SDK1: variants seen among roughly 807,000 people sequenced by gnomAD.
SDK1 encodes sidekick cell adhesion molecule 1.
SDK1 carries 157 observed loss-of-function variants against 245.5 expected under a neutral mutation model. That is an observed-to-expected ratio of 0.64 (90% confidence interval 0.56 to 0.73). SDK1 has a LOEUF of 0.73. Among genes scored for constraint, SDK1 ranks in the 30% least tolerant of loss-of-function variants. The pLI is 0.00. For synonymous variants in SDK1, 1,647 were observed against 1,278.5 expected (o/e 1.29, Z -6.15); for missense variants, 3,583 against 3,002.3 (o/e 1.19, Z -4.52).
intron 4 of SDK1, among the ~76,000 whole-genome samples, chr7:3,780,500 C>A (rs902474157): frequency 6.6e-6 from 1 of 152,190 alleles, no homozygotes; most frequent in African/African-American, 2.4e-5. Flanking sequence ...AACTTCATAA[C>A]CCACATTTAA....
At chr7:4,157,960 G>T (rs1780874875) in intron 30 of SDK1, among the ~76,000 whole-genome samples, 1 of 152,194 alleles carries the variant, frequency 6.6e-6, no homozygotes, top group South Asian at 2.1e-4. Context: ...GTGAGAATCA[G>T]GCAGGAACTC....
rs147662696 is a variant in SDK1, at chr7:4,217,174, A to G, written c.5540-2935A>G. Among the ~76,000 whole-genome samples, 146 of 105,768 alleles carry G rather than the reference A, an allele frequency of 1.4e-3. 3 individuals carry two copies. The highest frequency in any genetic ancestry group is 8.7e-3 in the East Asian group (28 of 3,210). The allele number at this position is 105,768 out of a possible 152,430, so 69.4% of individuals were successfully genotyped here. The stretch of plus-strand genomic sequence containing the variant: ...AGCACCACACCACCCGGAGCACCAC[A>G]CCCCCCGGAGCACCCTGCCACCCGG... On this transcript the variant is annotated intron_variant, in intron 38 of 44. Coordinates refer to ENST00000404826, the MANE Select transcript of SDK1 (RefSeq NM_152744.4).
chr7:4,034,862 A>C (rs537836634), intron 17 of SDK1, among the ~76,000 whole-genome samples: 11 of 152,372 alleles, frequency 7.2e-5, no homozygotes, highest in Admixed American at 1.3e-4. Flanking sequence ...GACGAATTCG[A>C]GAACTAGAGC....
rs554742438 is a variant in SDK1, at chr7:3,798,561, C to T, written c.714-22889C>T. ...AGTGCTGACCCGTTGCTTTTTAAAA[C>T]GTCCCTCGATTTGGACTTGTCTGAT... is the stretch of plus-strand genomic sequence containing the variant. On this transcript the variant is annotated intron_variant, in intron 4 of 44. Transcript: ENST00000404826. 1.3e-4 allele frequency among the ~76,000 whole-genome samples: 20 copies of T among 152,216 alleles called. No individual in the cohort carries two copies. In the East Asian group the frequency reaches 1.4e-3, roughly 10 times the overall value.
chr7:3,725,610 TAGAG>T lies in SDK1; in HGVS notation c.713+83509_713+83512del, dbSNP rs1778984086. Among the ~76,000 whole-genome samples the T allele has an allele frequency of 4.6e-5, 7 of 152,166 alleles. No homozygotes were observed. In the South Asian group the frequency reaches 1.5e-3, roughly 32 times the overall value. Reference sequence around the variant, plus strand: ...TCTACTTTTTAATATAAACCATACATAGAGAGACAGGAGCCCCAAGAACAGGGAG... The same window carrying T: ...TCTACTTTTTAATATAAACCATACATAGACAGGAGCCCCAAGAACAGGGAG... On this transcript the variant is annotated intron_variant, in intron 4 of 44. Transcript: ENST00000404826.
chr7:3,504,475 G>T (rs1322155737), intron 1 of SDK1, among the ~76,000 whole-genome samples: 3 of 152,036 alleles, frequency 2.0e-5, no homozygotes, highest in Non-Finnish European at 4.4e-5. Context: ...ATATATGTTG[G>T]TGGAATAGAA....
intron 1 of SDK1, among the ~76,000 whole-genome samples, chr7:3,362,215 C>T (rs537772631): frequency 3.8e-4 from 58 of 152,238 alleles, no homozygotes; most frequent in African/African-American, 1.3e-3. Context: ...CATTTGGTGG[C>T]CGACTACGAC....
chr7:3,992,734 G>C (rs1784436013), intron 14 of SDK1, among the ~76,000 whole-genome samples: 1 of 152,128 alleles, frequency 6.6e-6, no homozygotes, highest in South Asian at 2.1e-4. Flanking sequence ...ATTACTGAGT[G>C]TCTCATCTAG....
At chr7:3,658,754 A>G (rs994639729) in intron 4 of SDK1, among the ~76,000 whole-genome samples, 1 of 151,944 alleles carries the variant, frequency 6.6e-6, no homozygotes, top group African/African-American at 2.4e-5. Flanking sequence ...AGCTGCGACT[A>G]CAGACACCTG....
At chr7:4,201,003 G>T (rs930250645) in intron 35 of SDK1, among the ~76,000 whole-genome samples, 2 of 152,198 alleles carry the variant, frequency 1.3e-5, no homozygotes, top group Non-Finnish European at 2.9e-5. Flanking sequence ...CTCATGTAGG[G>T]ACCTGAAGCT....
chr7:4,140,316 ACT>A (rs1229103611), intron 28 of SDK1, among the ~76,000 whole-genome samples: 1 of 151,496 alleles, frequency 6.6e-6, no homozygotes, highest in Non-Finnish European at 1.5e-5. Context: ...CTTCCCGAGG[ACT>A]CTCTTTCTTT....
rs138460986 is a variant in SDK1, at chr7:3,667,363, A to G, written c.713+25258A>G. 3.3e-3 allele frequency among the ~76,000 whole-genome samples: 501 copies of G among 152,340 alleles called. 5 individuals are homozygous for G. The highest frequency in any genetic ancestry group is 0.011 in the African/African-American group (453 of 41,572). On this transcript the variant is annotated intron_variant, in intron 4 of 44. Transcript: ENST00000404826. ...ACTTGTAGAATGACATTTTGGCAAT[A>G]AGTCAATGAGTTTATCATGGAAAAG... is the stretch of plus-strand genomic sequence containing the variant.
chr7:3,921,190 C>G (rs78237066), intron 5 of SDK1, among the ~76,000 whole-genome samples: 2 of 152,160 alleles, frequency 1.3e-5, no homozygotes, highest in Non-Finnish European at 2.9e-5. Context: ...TCATTCATGT[C>G]TCATACAAAT....
intron 4 of SDK1, among the ~76,000 whole-genome samples, chr7:3,795,459 G>T (rs1277556034): frequency 6.6e-6 from 1 of 152,070 alleles, no homozygotes; most frequent in South Asian, 2.1e-4. Flanking sequence ...AATATAAAGT[G>T]CGCTGAACTC....
chr7:3,787,816 G>T (rs1780953228), intron 4 of SDK1, among the ~76,000 whole-genome samples: 1 of 152,170 alleles, frequency 6.6e-6, no homozygotes, highest in Non-Finnish European at 1.5e-5. Flanking sequence ...GTAGCTTTGT[G>T]AAGTCCTGCA....
Position 3,534,509 on chromosome 7 carries a change from A to G in SDK1, c.299-84571A>G, listed in dbSNP as rs76066967. Among the ~76,000 whole-genome samples the G allele has an allele frequency of 1.4e-3, 219 of 152,336 alleles. 6 individuals are homozygous for G. The East Asian group carries it at 0.038, about 26-fold the overall frequency. On this transcript the variant is annotated intron_variant, in intron 1 of 44. Coordinates refer to ENST00000404826, the MANE Select transcript of SDK1 (RefSeq NM_152744.4). ...AGTTTTGCATTCCTAGAAACAATAT[A>G]TAGCATTCAAATTTCTCCACATCCT...
rs544216598 is a variant in SDK1 at position 3,785,078 on chromosome 7, T to C, written c.714-36372T>C. Among the ~76,000 whole-genome samples the C allele has an allele frequency of 2.6e-5, 4 of 152,340 alleles. 1 individual carries two copies. Among genetic ancestry groups the C allele is most frequent in the African/African-American group, 9.6e-5 (4 of 41,586 alleles). ...CAGCATGGATGGAATCAGAGAGCGTTATCCTCAGTGAAAGAAGCCAGGCAC... is the reference window on the plus strand; with the variant it reads ...CAGCATGGATGGAATCAGAGAGCGTCATCCTCAGTGAAAGAAGCCAGGCAC... On this transcript the variant is annotated intron_variant, in intron 4 of 44. Coordinates refer to ENST00000404826, the MANE Select transcript of SDK1 (RefSeq NM_152744.4).
chr7:4,099,217 T>C (rs1782376113), intron 22 of SDK1, among the ~76,000 whole-genome samples: 1 of 151,558 alleles, frequency 6.6e-6, no homozygotes, highest in Non-Finnish European at 1.5e-5. Context: ...CACCTGTCGT[T>C]TTAAAGTATA....
chr7:4,111,041 T>C (rs1313884405), intron 23 of SDK1, among the ~76,000 whole-genome samples: 1 of 152,136 alleles, frequency 6.6e-6, no homozygotes, highest in Non-Finnish European at 1.5e-5. Flanking sequence ...ACTGTTATTA[T>C]ATTAGGCTGA....
Sources: gnomAD v4.1 joint callset for allele counts (sites outside exome capture counted in the v4.1 genomes callset) on GRCh38, gnomAD v4.1.1 for gene constraint, MANE v1.5 for transcripts, NCBI Gene and HGNC (gene_info 2026-07-23, HGNC 2026-07-21) for gene names.